Variants in EPS8L2 observed in about 807,000 individuals in gnomAD.
EPS8L2 encodes the protein EPS8 signaling adaptor L2.
Under a neutral mutation model 99.4 loss-of-function variants are expected in EPS8L2, and 81 were observed. That is an observed-to-expected ratio of 0.82 (90% CI 0.68 to 0.98). EPS8L2 has a LOEUF of 0.98. Among genes scored for constraint, EPS8L2 ranks in the 50% least tolerant of loss-of-function variants. The pLI is 0.00. For missense variants in EPS8L2, 1,155 were observed against 968.8 expected (o/e 1.19, Z -2.55); for synonymous variants, 509 against 407.3 (o/e 1.25, Z -3.01).
intron 4 of EPS8L2, among the ~76,000 whole-genome samples, chr11:719,060 G>C (rs746882269): frequency 6.7e-6 from 1 of 149,414 alleles, no homozygotes; most frequent in East Asian, 2.0e-4. Context: ...CTGCCTCCTG[G>C]GTTCAAGTGA....
rs1352685871 is a variant in EPS8L2, at chr11:721,962, C to G, written c.955C>G (p.Gln319Glu). 6.2e-7 allele frequency: 1 copy of G among 1,604,364 alleles called. No homozygotes were observed. The highest frequency in any genetic ancestry group is 8.5e-7 in the Non-Finnish European group (1 of 1,175,578). The change falls in exon 11 of 21, where the codon CAG becomes GAG. Residue 319 changes from glutamine to glutamate, a missense_variant. Physicochemically the swap from Gln to Glu is conservative, Grantham distance 29. Coordinates refer to ENST00000318562, the MANE Select transcript of EPS8L2 (RefSeq NM_022772.4). ...TGAGGGCGAGTTCATCGACTGCTTC[C>G]AGAAAATCAAGCTGGCGATTAACTT... ...PSEGEFIDCF[Q>E]KIKLAINLLA...
intron 5 of EPS8L2, 177 bp downstream of exon 5, chr11:720,400 C>T: frequency 9.2e-7 from 1 of 1,089,974 alleles, no homozygotes; most frequent in Non-Finnish European, 1.3e-6. Flanking sequence ...GCTGAGAGTC[C>T]AGGGAAGTTT....
intron 3 of EPS8L2, 156 bp downstream of exon 3, chr11:709,764 G>A (rs888448804): frequency 2.2e-5 from 17 of 773,994 alleles, no homozygotes; most frequent in South Asian, 1.2e-4. Flanking sequence ...TCAACCTTCC[G>A]AAAGCTCCTG....
At chr11:719,209 C>T (rs1862092662) in intron 4 of EPS8L2, among the ~76,000 whole-genome samples, 1 of 152,178 alleles carries the variant, frequency 6.6e-6, no homozygotes, top group African/African-American at 2.4e-5. Context: ...TCAGGTGATC[C>T]ACCCGCCTCG....
Position 726,676 on chromosome 11 carries a change from G to A in EPS8L2, c.1992G>A (p.Glu664=), listed in dbSNP as rs142626405. The change falls in exon 20 of 21, where the codon GAG becomes GAA. Residue 664 remains glutamate (E), a synonymous_variant. Transcript: ENST00000318562. Reference sequence around the variant, plus strand: ...CGCAGCTCTTCTCCCTCAACAAGGAGGAGCTGAAGAAAGTGTGCGGCGAGG... The same window carrying A: ...CGCAGCTCTTCTCCCTCAACAAGGAAGAGCTGAAGAAAGTGTGCGGCGAGG... ...TGPQLFSLNK[E]ELKKVCGEEG... 1.4e-4 allele frequency: 218 copies of A among 1,578,454 alleles called. No homozygotes were observed. Among genetic ancestry groups the A allele is most frequent in the Non-Finnish European group, 1.8e-4 (208 of 1,163,424 alleles).
chr11:726,815 G>A (rs2133543815), intron 20 of EPS8L2, 64 bp downstream of exon 20: 4 of 1,581,298 alleles, frequency 2.5e-6, no homozygotes, highest in Non-Finnish European at 2.6e-6. Context: ...TCCCCCGCCC[G>A]TTCCTGGGGT....
At chr11:717,605 G>A (rs1273961930) in intron 4 of EPS8L2, among the ~76,000 whole-genome samples, 2 of 152,160 alleles carry the variant, frequency 1.3e-5, no homozygotes, top group East Asian at 1.9e-4. Flanking sequence ...CTGGCTGGGC[G>A]AGGTGGCTCA....
intron 19 of EPS8L2, 36 bp downstream of exon 19, chr11:726,520 G>A (rs774955501): frequency 2.1e-5 from 32 of 1,513,852 alleles, no homozygotes; most frequent in Non-Finnish European, 2.7e-5. Flanking sequence ...GGGCCCGGGC[G>A]AGGGGTGGGA....
chr11:710,532 C>T (rs1182038570), intron 4 of EPS8L2, 46 bp downstream of exon 4: 3 of 1,507,498 alleles, frequency 2.0e-6, no homozygotes, highest in Non-Finnish European at 2.8e-6. Context: ...GGAGCACCCT[C>T]AGGACATGGC....
intron 4 of EPS8L2, among the ~76,000 whole-genome samples, chr11:716,560 T>C (rs1862033082): frequency 6.6e-6 from 1 of 152,162 alleles, no homozygotes; most frequent in African/African-American, 2.4e-5. Context: ...CCTGGCCAGA[T>C]TATTGATCTT....
In EPS8L2 at chr11:710,452, T is replaced by C; in HGVS notation, c.131T>C (p.Val44Ala). ...EQRKKYSNSNVIMHETSQYHV... is the reference protein window; with the variant it reads ...EQRKKYSNSNAIMHETSQYHV... ...AGGAAGAAGTATTCCAACTCCAACG[T>C]CATCATGCACGAGACCTCGCAGTAC... The change falls in exon 4 of 21, where the codon GTC becomes GCC. Residue 44 changes from valine (V) to alanine (A), a missense_variant. Transcript: ENST00000318562. 5 of 1,613,670 alleles carry C rather than the reference T, an allele frequency of 3.1e-6. No homozygotes were observed. Among genetic ancestry groups the C allele is most frequent in the Non-Finnish European group, 4.2e-6 (5 of 1,179,956 alleles).
intron 4 of EPS8L2, among the ~76,000 whole-genome samples, chr11:715,984 T>C (rs1359179914): frequency 6.8e-6 from 1 of 146,200 alleles, no homozygotes. Context: ...TTTTTTTTTT[T>C]TTTTCTGAGA....
intron 9 of EPS8L2, 40 bp from the exon 10 acceptor site, chr11:721,525 G>A: frequency 6.6e-7 from 1 of 1,524,416 alleles, no homozygotes; most frequent in Non-Finnish European, 8.8e-7. Flanking sequence ...GGGGCGGTGG[G>A]GAGTGTCAGG....
chr11:715,185 TA>T (rs1433993856), intron 4 of EPS8L2, among the ~76,000 whole-genome samples: 3 of 151,238 alleles, frequency 2.0e-5, no homozygotes, highest in Admixed American at 6.6e-5. Context: ...GAGCTTGCAG[TA>T]AGCTGAGATT....
chr11:714,622 AT>A (rs1209798831), intron 4 of EPS8L2, among the ~76,000 whole-genome samples: 2 of 132,846 alleles, frequency 1.5e-5, no homozygotes, highest in Non-Finnish European at 3.3e-5. Context: ...TATTTTATTT[AT>A]TTTTTTATTT....
intron 12 of EPS8L2, 61 bp downstream of exon 12, chr11:722,226 T>C (rs1174634137): frequency 1.9e-6 from 3 of 1,575,164 alleles, no homozygotes; most frequent in Non-Finnish European, 2.6e-6. Flanking sequence ...CTGCAGCATC[T>C]CCCCGGGGTC....
Position 710,494 on chromosome 11 carries a change from CCCGCCCCCAGGTAGGCT to C in EPS8L2, c.165+20_165+36del, listed in dbSNP as rs763461101. On this transcript the variant is annotated intron_variant, in intron 4 of 20. Transcript: ENST00000318562. ...TCGCAGTACCACGTCCAGGTAAGGCCCCGCCCCCAGGTAGGCTCCGCCCCCAGGGAGCACCCTCAGGA... is the reference window on the plus strand; with the variant it reads ...TCGCAGTACCACGTCCAGGTAAGGCCCCGCCCCCAGGGAGCACCCTCAGGA... The C allele has an allele frequency of 5.0e-5, 80 of 1,613,150 alleles. No individual in the cohort carries two copies. Among genetic ancestry groups the C allele is most frequent in the Non-Finnish European group, 5.8e-5 (68 of 1,179,564 alleles).
At position 720,604 on chromosome 11, in the gene EPS8L2, T is replaced by C; in HGVS notation, c.335T>C (p.Leu112Pro). The C allele has an allele frequency of 1.3e-6, 2 of 1,599,990 alleles. No individual in the cohort carries two copies. The highest frequency in any genetic ancestry group is 1.7e-6 in the Non-Finnish European group (2 of 1,175,074). ...CGCGCGATGTACCCGCAGGAGGAGC[T>C]GGAAGACTTCCCGCTGCCCACGGTG... The part of the protein sequence containing the change: ...RLLDIESQEE[L>P]EDFPLPTVQR... The change falls in exon 6 of 21, where the codon CTG becomes CCG. Residue 112 changes from leucine to proline, a missense_variant. By Grantham distance (98) the Leu-to-Pro change is moderately conservative (BLOSUM62 -3). Coordinates refer to ENST00000318562, the MANE Select transcript of EPS8L2 (RefSeq NM_022772.4).
Position 709,456 on chromosome 11 carries a change from G to GGCCCCC in EPS8L2, c.44+5_44+6insGCCCCC. 4 of 1,588,560 alleles carry GGCCCCC rather than the reference G, an allele frequency of 2.5e-6. No individual in the cohort carries two copies. Among genetic ancestry groups the GGCCCCC allele is most frequent in the Non-Finnish European group, 3.4e-6 (4 of 1,164,924 alleles). ...CTGCTGCCCGGGTGCCACCAAGTGAGCCCTCCCACCCATCCCGAATACCCC... is the reference window on the plus strand; with the variant it reads ...CTGCTGCCCGGGTGCCACCAAGTGAGGCCCCCCCCTCCCACCCATCCCGAATACCCC... On this transcript the variant is annotated splice_donor_region_variant and intron_variant, in intron 2 of 20. Transcript: ENST00000318562.
Sources: allele counts gnomAD v4.1 joint callset (sites outside exome capture counted in the v4.1 genomes callset), GRCh38; gene constraint gnomAD v4.1.1; transcripts MANE v1.5; gene names NCBI Gene and HGNC (gene_info 2026-07-23, HGNC 2026-07-21).